The following DCAF8L2 variants were observed in gnomAD, a reference collection of about 807,000 sequenced individuals.
DCAF8L2 encodes the protein DDB1 and CUL4 associated factor 8 like 2.
For missense variants in DCAF8L2, 430 were observed against 490.7 expected, an observed-to-expected ratio of 0.88 and a Z score of 1.17; for synonymous variants, 200 against 190.9, an observed-to-expected ratio of 1.05 and a Z score of -0.39.
intron 1 of DCAF8L2, among the ~76,000 whole-genome samples, chrX:27,610,342 T>C (rs940758951): frequency 9.0e-6 from 1 of 110,851 alleles, no homozygotes; most frequent in Non-Finnish European, 1.9e-5. Context: ...AGTGTTATAA[T>C]GGGCCTATTC....
intron 3 of DCAF8L2, among the ~76,000 whole-genome samples, chrX:27,703,601 A>C (rs776137443): frequency 9.0e-6 from 1 of 111,198 alleles, no homozygotes; most frequent in Non-Finnish European, 1.9e-5. Context: ...AAAGAGCGCC[A>C]TGACAATTCA....
chrX:27,520,263 A>G, the DCAF8L2 span, among the ~76,000 whole-genome samples: 2 of 112,089 alleles, frequency 1.8e-5, no homozygotes, highest in Non-Finnish European at 3.8e-5. Flanking sequence ...TTAAACCCCA[A>G]TATTCATTAT....
chrX:27,548,174 T>A, the DCAF8L2 span, among the ~76,000 whole-genome samples: 2 of 107,937 alleles, frequency 1.9e-5, no homozygotes, highest in Non-Finnish European at 3.9e-5. Context: ...ATGAAGCTGA[T>A]TATTGAATAT....
At chrX:27,560,919 G>A in the DCAF8L2 span, among the ~76,000 whole-genome samples, 1 of 112,147 alleles carries the variant, frequency 8.9e-6, no homozygotes, top group African/African-American at 3.2e-5. Flanking sequence ...AAATCTTATG[G>A]CCTAAGCAGT....
the DCAF8L2 span, among the ~76,000 whole-genome samples, chrX:27,523,191 C>T: frequency 9.0e-6 from 1 of 111,032 alleles, no homozygotes; most frequent in Non-Finnish European, 1.9e-5. Context: ...GAAATTGAAC[C>T]ACAAGAAGGA....
chrX:27,620,550 G>A (rs1426186443), intron 1 of DCAF8L2, among the ~76,000 whole-genome samples: 1 of 111,393 alleles, frequency 9.0e-6, no homozygotes, highest in Non-Finnish European at 1.9e-5. Flanking sequence ...ACAAATGGCC[G>A]GAAGCATACA....
At chrX:27,540,157 T>G in the DCAF8L2 span, among the ~76,000 whole-genome samples, 1 of 111,742 alleles carries the variant, frequency 8.9e-6, no homozygotes, top group Non-Finnish European at 1.9e-5. Flanking sequence ...CCATCCTTTT[T>G]ACTGCTGCCT....
intron 2 of DCAF8L2, chrX:27,633,852 C>A (rs1928391005): frequency 9.0e-6 from 1 of 111,614 alleles, no homozygotes; most frequent in Admixed American, 9.6e-5. Flanking sequence ...ATGTTTTATC[C>A]TTAAAATGAT....
At chrX:27,726,506 G>T (rs746329713) in intron 4 of DCAF8L2, among the ~76,000 whole-genome samples, 13 of 110,453 alleles carry the variant, frequency 1.2e-4, no homozygotes, top group Non-Finnish European at 2.1e-4. Context: ...AGTTATTACA[G>T]AGTAAACCCA....
chrX:27,736,947 C>A (rs2147328679), intron 4 of DCAF8L2, among the ~76,000 whole-genome samples: 1 of 111,561 alleles, frequency 9.0e-6, no homozygotes, highest in East Asian at 2.8e-4. Context: ...ATATGAAAAT[C>A]CAGATGTCTT....
upstream of DCAF8L2, among the ~76,000 whole-genome samples, chrX:27,588,872 C>T (rs887587724): frequency 9.0e-6 from 1 of 110,643 alleles, no homozygotes. Flanking sequence ...CCCATTTACA[C>T]ACACCGAGAA....
At chrX:27,554,140 C>T in the DCAF8L2 span, among the ~76,000 whole-genome samples, 9 of 111,430 alleles carry the variant, frequency 8.1e-5, no homozygotes, top group Admixed American at 1.9e-4. Flanking sequence ...CTCTCAGATC[C>T]TAAAATATTT....
chrX:27,694,983 A>G (rs778066388), intron 3 of DCAF8L2, among the ~76,000 whole-genome samples: 136 of 112,114 alleles, frequency 1.2e-3, no homozygotes, highest in Non-Finnish European at 2.2e-3. Flanking sequence ...CTGTTTACAT[A>G]ATGGGTTTTA....
the DCAF8L2 span, among the ~76,000 whole-genome samples, chrX:27,483,185 C>A: frequency 9.0e-6 from 1 of 111,042 alleles, no homozygotes; most frequent in South Asian, 3.7e-4. Flanking sequence ...AAAATCATAT[C>A]AATAAAAGAT....
intron 4 of DCAF8L2, among the ~76,000 whole-genome samples, chrX:27,721,748 CTATTT>C (rs1475010403): frequency 8.9e-6 from 1 of 111,912 alleles, no homozygotes; most frequent in East Asian, 2.8e-4. Context: ...CACTCACAAA[CTATTT>C]TATGCAGCCC....
rs937856235 is a variant in DCAF8L2, at chrX:27,692,592, T to C, written c.-143+14680T>C. The stretch of plus-strand genomic sequence containing the variant: ...CACCAAGATGTAATAAGCACAATGT[T>C]GCTTCTCTGTGAAATTTTTCTGAAA... On this transcript the variant is annotated intron_variant, in intron 3 of 4. Transcript: ENST00000451261. Among the ~76,000 whole-genome samples, 6 of 112,092 alleles carry C rather than the reference T, an allele frequency of 5.4e-5. No homozygotes were observed. In the South Asian group the frequency reaches 1.5e-3, roughly 28 times the overall value.
chrX:27,539,170 C>T, the DCAF8L2 span, among the ~76,000 whole-genome samples: 1 of 111,846 alleles, frequency 8.9e-6, no homozygotes, highest in African/African-American at 3.3e-5. Flanking sequence ...TTGTACTACC[C>T]ATACCTGTTA....
At chrX:27,710,282 C>G (rs987701635) in intron 3 of DCAF8L2, among the ~76,000 whole-genome samples, 23 of 111,431 alleles carry the variant, frequency 2.1e-4, no homozygotes, top group African/African-American at 7.2e-4. Flanking sequence ...CTTTTCAATT[C>G]CCATATACAT....
chrX:27,667,160 A>G (rs1929769133), intron 2 of DCAF8L2, among the ~76,000 whole-genome samples: 1 of 110,887 alleles, frequency 9.0e-6, no homozygotes, highest in East Asian at 2.9e-4. Context: ...TGTTAAAGGA[A>G]CGATACAAGG....
Sources: gnomAD v4.1 joint callset for allele counts (sites outside exome capture counted in the v4.1 genomes callset) on GRCh38, gnomAD v4.1.1 for gene constraint, MANE v1.5 for transcripts, NCBI Gene and HGNC (gene_info 2026-07-23, HGNC 2026-07-21) for gene names.